The following TTN variants were observed in gnomAD, a reference collection of about 807,000 sequenced individuals.
TTN encodes the protein titin.
In TTN, 1,525 loss-of-function variants were observed where a neutral mutation model predicts 3,223.0. The ratio of observed to expected loss-of-function variants is 0.47; its 90% CI spans 0.45 to 0.49. TTN has a LOEUF of 0.49. Ranked by LOEUF, TTN falls within the 20% of genes least tolerant of loss-of-function variation. TTN has a pLI of 0.00. For missense variants in TTN, 40,786 were observed against 43,424.0 expected (o/e 0.94, Z 5.40); for synonymous variants, 14,094 against 15,161.0 (o/e 0.93, Z 5.17).
rs2080087332 is a variant in TTN, at chr2:178,729,889, A to G, written c.18364T>C (p.Ser6122Pro). ...SPVLVLRNGQ[S>P]TTFECQITGT... is the part of the protein sequence containing the mutation. ...GTTATTTGGCATTCAAATGTTGTTG[A>G]CTGTCCATTCCTCAGCACTAAGACT... is the stretch of plus-strand genomic sequence containing the variant. The change falls in exon 63 of 363, where the codon TCA becomes CCA. Residue 6122 changes from serine to proline, a missense_variant. Transcript: ENST00000589042. 1 of 1,613,490 alleles carries G rather than the reference A, an allele frequency of 6.2e-7. No individual in the cohort carries two copies. The highest frequency in any genetic ancestry group is 8.5e-7 in the Non-Finnish European group (1 of 1,179,680).
rs142647827 is a variant in TTN, at chr2:178,789,824, T to C, written c.1938+154A>G. Among the ~76,000 whole-genome samples, 3 of 152,322 alleles carry C rather than the reference T, an allele frequency of 2.0e-5. No homozygotes were observed. In the East Asian group the frequency reaches 5.8e-4, roughly 29 times the overall value. On this transcript the variant is annotated intron_variant, in intron 12 of 362. Coordinates refer to ENST00000589042, the MANE Select transcript of TTN (RefSeq NM_001267550.2). ...ATGAAAATCAAATGTGCAGATAAAA[T>C]TAATGATAATCAGTCTCATATTTAC...
rs1553940509 is a variant in TTN at position 178,741,047 on chromosome 2, A to T, written c.12186T>A (p.Val4062=). The T allele has an allele frequency of 1.2e-6, 2 of 1,613,818 alleles. No individual in the cohort carries two copies. The highest frequency in any genetic ancestry group is 2.7e-5 in the African/African-American group (2 of 74,930). The change falls in exon 48 of 363, where the codon GTT becomes GTA. Residue 4062 remains valine, a synonymous_variant. Transcript: ENST00000589042. ...TTTCCTGCTCTGAGTCAAGTGCTTC[A>T]ACTGCGGGACCCTTTAAGGGTGTCT... The part of the protein sequence containing the change: ...FPQTPLKGPA[V]EALDSEQEIA...
In TTN at chr2:178,527,737, C is replaced by G. The variant is rs747088787; in HGVS notation, c.107389G>C (p.Glu35797Gln). ...CTCAATACTACCTCTCTGGAAGGTT[C>G]TTCAACTAGAGCTGTGGAGCATAGC... ...ASLMVLPLVE[E>Q]PSREVVLRTS... is the part of the protein sequence containing the mutation. Residue 35797 changes from glutamate (E) to glutamine (Q), a missense_variant, in exon 362 of 363, where the codon GAA (glutamate) becomes CAA (glutamine). By Grantham distance (29) the Glu-to-Gln change is conservative. Coordinates refer to ENST00000589042, the MANE Select transcript of TTN (RefSeq NM_001267550.2). The G allele has an allele frequency of 4.4e-6, 7 of 1,596,980 alleles. 1 individual carries two copies. The South Asian group carries it at 6.8e-5, about 15-fold the overall frequency.
rs750610708 is a variant in TTN, at chr2:178,785,866, TC to T, written c.2351del (p.Gly784GlufsTer14). ...ETHIKTTDQK[G>X]MHISSQIKKT... The stretch of plus-strand genomic sequence containing the variant: ...GACTCACCTGTGATGATATGTGCAT[TC>T]CCTTTTGATCAGTAGTTTTGATATG... On this transcript the variant is annotated frameshift_variant, in exon 14 of 363. Coordinates refer to ENST00000589042, the MANE Select transcript of TTN (RefSeq NM_001267550.2). LOFTEE classifies it high-confidence loss of function. 1.2e-6 allele frequency: 2 copies of T among 1,614,156 alleles called. No individual in the cohort carries two copies. The highest frequency in any genetic ancestry group is 3.3e-5 in the Admixed American group (2 of 60,020).
rs760853615 is a variant in TTN, at chr2:178,745,534, A to C, written c.11312-3613T>G. 5 of 1,605,484 alleles carry C rather than the reference A, an allele frequency of 3.1e-6. No homozygotes were observed. The Admixed American group carries it at 8.4e-5, about 27-fold the overall frequency. ...AGATCCACATAATTTGGAAAATATG[A>C]AAGCACTCAGATCAATGCTAATAAT... On this transcript the variant is annotated intron_variant, in intron 47 of 362. Coordinates refer to ENST00000589042, the MANE Select transcript of TTN (RefSeq NM_001267550.2).
chr2:178,529,268 A>C, intron 359 of TTN, 49 bp from the exon 360 acceptor site: 1 of 1,312,432 alleles, frequency 7.6e-7, no homozygotes, highest in East Asian at 2.6e-5. Context: ...AGAGACCCCC[A>C]CCTTTTACTC....
Position 178,588,576 on chromosome 2 carries a change from C to G in TTN, c.63149G>C (p.Ser21050Thr). ...AENEIGIGEPSLPSRPVVAKD... is the reference protein window; with the variant it reads ...AENEIGIGEPTLPSRPVVAKD... ...TGCCACCACCGGTCTTGAAGGCAAGCTTGGTTCTCCAATTCCAATTTCATT... is the reference window on the plus strand; with the variant it reads ...TGCCACCACCGGTCTTGAAGGCAAGGTTGGTTCTCCAATTCCAATTTCATT... The change falls in exon 304 of 363, where the codon AGC (serine) becomes ACC (threonine). Residue 21050 changes from serine to threonine, a missense_variant. By Grantham distance (58) the Ser-to-Thr change is moderately conservative (BLOSUM62 1). Coordinates refer to ENST00000589042, the MANE Select transcript of TTN (RefSeq NM_001267550.2). The G allele has an allele frequency of 1.0e-5, 16 of 1,547,336 alleles. No individual in the cohort carries two copies. The highest frequency in any genetic ancestry group is 1.3e-5 in the Non-Finnish European group (15 of 1,149,812).
chr2:178,755,294 T>C (rs72955209), intron 46 of TTN, among the ~76,000 whole-genome samples: 1,573 of 152,282 alleles, frequency 0.01, 23 homozygotes, highest in Middle Eastern at 0.027. Context: ...CGACAAAAAT[T>C]GTGATCTTGC....
chr2:178,560,985 C>G lies in TTN; in HGVS notation c.85147G>C (p.Gly28383Arg). 6.2e-7 allele frequency: 1 copy of G among 1,613,812 alleles called. No individual in the cohort carries two copies. The highest frequency in any genetic ancestry group is 8.5e-7 in the Non-Finnish European group (1 of 1,179,792). ...CAGGAAATTACTGGCAGAGGTCGCC[C>G]TGCAATGTCTGCATTTATCTTAAGG... is the stretch of plus-strand genomic sequence containing the variant. ...EVLKINADIA[G>R]RPLPVISWAK... Residue 28383 changes from glycine (G) to arginine (R), a missense_variant, in exon 326 of 363, where the codon GGG (glycine) becomes CGG (arginine). Physicochemically the swap from Gly to Arg is moderately radical, Grantham distance 125. Transcript: ENST00000589042.
At position 178,560,745 on chromosome 2, in the gene TTN, G is replaced by A; in HGVS notation, c.85387C>T (p.Leu28463Phe). Residue 28463 changes from leucine (L) to phenylalanine (F), a missense_variant, in exon 326 of 363, where the codon CTC becomes TTC. Leu to Phe is a conservative substitution (Grantham distance 22). Transcript: ENST00000589042. Reference protein sequence around the residue: ...PPAGPLEINGLTAEKCSLSWG... With the variant: ...PPAGPLEINGFTAEKCSLSWG... ...GAAAGAGAGCATTTCTCAGCAGTGAGGCCATTTATTTCAAGTGGTCCTGCT... is the reference window on the plus strand; with the variant it reads ...GAAAGAGAGCATTTCTCAGCAGTGAAGCCATTTATTTCAAGTGGTCCTGCT... 1 of 1,613,722 alleles carries A rather than the reference G, an allele frequency of 6.2e-7. No homozygotes were observed. Among genetic ancestry groups the A allele is most frequent in the Non-Finnish European group, 8.5e-7 (1 of 1,179,794 alleles).
chr2:178,775,882 C>T lies in TTN; in HGVS notation c.5982G>A (p.Ser1994=), dbSNP rs573823772. The change falls in exon 28 of 363, where the codon TCG becomes TCA. Residue 1994 remains serine (S), a synonymous_variant. Transcript: ENST00000589042. ...GCTTGAATTTACTGCGCAGCTCTTC[C>T]GACTCTTCAGGCACTTTTTCATGGG... The part of the protein sequence containing the change: ...RITHEKVPEE[S]EELRSKFKRR... The T allele has an allele frequency of 3.2e-5, 51 of 1,614,100 alleles. No homozygotes were observed. Among genetic ancestry groups the T allele is most frequent in the Admixed American group, 1.2e-4 (7 of 60,012 alleles).
At chr2:178,711,865 A>C in intron 96 of TTN, 79 bp downstream of exon 96, 3 of 1,489,120 alleles carry the variant, frequency 2.0e-6, no homozygotes, top group Non-Finnish European at 2.7e-6. Context: ...GATTTTCCTA[A>C]AAAATAGGCC....
rs1469812071 is a variant in TTN, at chr2:178,549,717, G to T, written c.92005C>A (p.Leu30669Ile). Residue 30669 changes from leucine to isoleucine, a missense_variant, in exon 338 of 363, where the codon CTA becomes ATA. Leu to Ile is a conservative substitution (Grantham distance 5). Transcript: ENST00000589042. ...TGGGCTTCACATTTATCCTCAATTA[G>T]TGCCCAGGCAAGTCTGCTGGTTTCC... ...KRETSRLAWA[L>I]IEDKCEAQSY... is the part of the protein sequence containing the mutation. 1 of 1,613,616 alleles carries T rather than the reference G, an allele frequency of 6.2e-7. No individual in the cohort carries two copies. Among genetic ancestry groups the T allele is most frequent in the Non-Finnish European group, 8.5e-7 (1 of 1,179,766 alleles).
chr2:178,790,260 T>G, intron 11 of TTN, 145 bp from the exon 12 acceptor site: 1 of 873,050 alleles, frequency 1.1e-6, no homozygotes, highest in Non-Finnish European at 1.7e-6. Flanking sequence ...TTTGAGTTAC[T>G]TTGATCATCC....
intron 112 of TTN, 140 bp downstream of exon 112, chr2:178,698,703 C>T (rs139701498): frequency 1.8e-4 from 140 of 763,350 alleles, no homozygotes; most frequent in African/African-American, 1.4e-3. Context: ...GAGTCAAAGA[C>T]GAGGGCGAAA....
intron 163 of TTN, 84 bp downstream of exon 163, chr2:178,666,740 G>A: frequency 8.4e-7 from 1 of 1,191,632 alleles, no homozygotes; most frequent in Non-Finnish European, 1.1e-6. Flanking sequence ...AGCCACTTTG[G>A]CTTAAAAGAT....
At chr2:178,557,621 G>C (rs374081703) in intron 328 of TTN, 27 bp downstream of exon 328, 16 of 1,612,376 alleles carry the variant, frequency 9.9e-6, no homozygotes, top group South Asian at 7.7e-5. Flanking sequence ...AAGAAAACCT[G>C]GATCTTTGAA....
intron 67 of TTN, 92 bp downstream of exon 67, chr2:178,728,018 G>C (rs1437391869): frequency 7.0e-7 from 1 of 1,432,842 alleles, no homozygotes; most frequent in South Asian, 1.5e-5. Flanking sequence ...CAGAATCATA[G>C]AGATTTTAGC....
Position 178,728,222 on chromosome 2 carries a change from T to C in TTN, c.19602A>G (p.Arg6534=). The C allele has an allele frequency of 1.2e-6, 2 of 1,613,102 alleles. No homozygotes were observed. The highest frequency in any genetic ancestry group is 8.5e-7 in the Non-Finnish European group (1 of 1,179,396). The change falls in exon 67 of 363, where the codon AGA becomes AGG. Residue 6534 remains arginine, a synonymous_variant. Coordinates refer to ENST00000589042, the MANE Select transcript of TTN (RefSeq NM_001267550.2). ...GATTATTAACTTCCAGAGACACAGA[T>C]CTCTCATGGCACACAAGTCTGTATT... The part of the protein sequence containing the change: ...SAKYRLVCHE[R]SVSLEVNNLE...
Sources: gnomAD v4.1 joint callset for allele counts (sites outside exome capture counted in the v4.1 genomes callset) on GRCh38, gnomAD v4.1.1 for gene constraint, MANE v1.5 for transcripts, NCBI Gene and HGNC (gene_info 2026-07-23, HGNC 2026-07-21) for gene names.